The following CDKAL1 variants were observed in gnomAD, a reference collection of about 807,000 sequenced individuals.
The protein encoded by CDKAL1 is threonylcarbamoyladenosine tRNA methylthiotransferase.
Under a neutral mutation model 68.2 loss-of-function variants are expected in CDKAL1, and 32 were observed. The ratio of observed to expected loss-of-function variants is 0.47; its 90% CI spans 0.35 to 0.63. CDKAL1 has a LOEUF of 0.63. Ranked by LOEUF, CDKAL1 falls within the 30% of genes least tolerant of loss-of-function variation. The pLI is 0.00. For missense variants in CDKAL1, 606 were observed against 696.7 expected, an observed-to-expected ratio of 0.87 and a Z score of 1.47; for synonymous variants, 234 against 244.3, an observed-to-expected ratio of 0.96 and a Z score of 0.39.
intron 13 of CDKAL1, among the ~76,000 whole-genome samples, chr6:21,191,739 T>A (rs1778246418): frequency 6.8e-6 from 1 of 147,194 alleles, no homozygotes; most frequent in South Asian, 2.1e-4. Context: ...TGCTTTTATT[T>A]TCTGCCTTTG....
chr6:20,774,522 T>C (rs183065734), intron 7 of CDKAL1, among the ~76,000 whole-genome samples: 3 of 152,178 alleles, frequency 2.0e-5, no homozygotes, highest in African/African-American at 7.2e-5. Context: ...TGGGATGTTT[T>C]CCCTCGGTTC....
At position 21,098,534 on chromosome 6, in the gene CDKAL1, CTTTT is replaced by C. The variant is rs34764667; in HGVS notation, c.1237-9846_1237-9843del. Among the ~76,000 whole-genome samples the C allele has an allele frequency of 4.3e-3, 351 of 80,944 alleles. 1 individual carries two copies. Among genetic ancestry groups the C allele is most frequent in the African/African-American group, 7.1e-3 (155 of 21,704 alleles). The allele number at this position is 80,944 out of a possible 152,430, so 53.1% of individuals were successfully genotyped here. ...GTTATGAGGTTAAACGGGTACACAG[CTTTT>C]TTTTTTTTTTTTTTTTTTTTGGCCG... On this transcript the variant is annotated intron_variant, in intron 12 of 15. Coordinates refer to ENST00000274695, the MANE Select transcript of CDKAL1 (RefSeq NM_017774.3).
intron 4 of CDKAL1, among the ~76,000 whole-genome samples, chr6:20,603,768 ATTTTTTTT>A (rs745786047): frequency 0.034 from 2,890 of 85,242 alleles, 130 homozygotes; most frequent in African/African-American, 0.12. Context: ...CAGTTGCTAA[ATTTTTTTT>A]TTTTTTTTTT....
chr6:21,054,738 T>C (rs957782097), intron 11 of CDKAL1, among the ~76,000 whole-genome samples: 7 of 152,248 alleles, frequency 4.6e-5, no homozygotes, highest in African/African-American at 1.7e-4. Flanking sequence ...GTGAATGGAA[T>C]TGGATTCTTG....
intron 13 of CDKAL1, among the ~76,000 whole-genome samples, chr6:21,192,581 T>C (rs1367926092): frequency 6.7e-6 from 1 of 149,850 alleles, no homozygotes; most frequent in Non-Finnish European, 1.5e-5. Context: ...AATCAGTTAC[T>C]TTCCTGACAG....
chr6:20,767,592 C>T (rs1462932673), intron 7 of CDKAL1, among the ~76,000 whole-genome samples: 1 of 151,954 alleles, frequency 6.6e-6, no homozygotes, highest in African/African-American at 2.4e-5. Context: ...ATCTGACTTT[C>T]TCTTTTTCTT....
At chr6:20,675,683 G>A (rs1486185880) in intron 5 of CDKAL1, among the ~76,000 whole-genome samples, 3 of 152,048 alleles carry the variant, frequency 2.0e-5, no homozygotes, top group African/African-American at 7.3e-5. Context: ...ACGTACAATC[G>A]TGTACATACA....
In CDKAL1 at chr6:21,197,843, T is replaced by A. The variant is rs534372090; in HGVS notation, c.1300-178T>A. 1.4e-4 allele frequency among the ~76,000 whole-genome samples: 22 copies of A among 152,364 alleles called. No individual in the cohort carries two copies. In the East Asian group the frequency reaches 2.7e-3, roughly 19 times the overall value. The stretch of plus-strand genomic sequence containing the variant: ...CAGATAATTAATGTCTTTCAAAAAA[T>A]TTGAATCCGTGATTTGAACAGGGTT... On this transcript the variant is annotated intron_variant, in intron 13 of 15. Coordinates refer to ENST00000274695, the MANE Select transcript of CDKAL1 (RefSeq NM_017774.3).
rs199849184 is a variant in CDKAL1 at position 20,797,581 on chromosome 6, ACTC to A, written c.638+16319_638+16321del. Among the ~76,000 whole-genome samples, 640 of 152,140 alleles carry A rather than the reference ACTC, an allele frequency of 4.2e-3. 5 individuals carry two copies. Among genetic ancestry groups the A allele is most frequent in the African/African-American group, 0.013 (543 of 41,522 alleles). On this transcript the variant is annotated intron_variant, in intron 8 of 15. Transcript: ENST00000274695. ...TCCTAATTAGCCCAAACTGAAAACA[ACTC>A]CTGTATCCTTTAGGGAATGAATGGA... is the stretch of plus-strand genomic sequence containing the variant.
chr6:20,700,778 A>G (rs1179495987), intron 5 of CDKAL1, among the ~76,000 whole-genome samples: 1 of 152,220 alleles, frequency 6.6e-6, no homozygotes, highest in African/African-American at 2.4e-5. Context: ...CTTCAGGACC[A>G]GATGGAACTA....
intron 5 of CDKAL1, among the ~76,000 whole-genome samples, chr6:20,712,958 C>T (rs1232532815): frequency 6.7e-6 from 1 of 148,932 alleles, no homozygotes; most frequent in Non-Finnish European, 1.5e-5. Flanking sequence ...TTTAAAAATG[C>T]TGTATATTAC....
rs1762144300 is a variant in CDKAL1, at chr6:20,904,441, C to G, written c.743-50978C>G. On this transcript the variant is annotated intron_variant, in intron 9 of 15. Coordinates refer to ENST00000274695, the MANE Select transcript of CDKAL1 (RefSeq NM_017774.3). Reference sequence around the variant, plus strand: ...TCTATTTCCATTTTGGGAGCCAGATCCTGGAAACTAGGGCATTCCAAAGCA... The same window carrying G: ...TCTATTTCCATTTTGGGAGCCAGATGCTGGAAACTAGGGCATTCCAAAGCA... Among the ~76,000 whole-genome samples the G allele has an allele frequency of 2.0e-5, 3 of 151,980 alleles. No individual in the cohort carries two copies. The South Asian group carries it at 6.2e-4, about 32-fold the overall frequency.
chr6:20,890,503 A>C (rs1488436596), intron 9 of CDKAL1, among the ~76,000 whole-genome samples: 1 of 152,260 alleles, frequency 6.6e-6, no homozygotes, highest in Non-Finnish European at 1.5e-5. Flanking sequence ...AACGTTTATA[A>C]AATCACATTT....
At chr6:20,830,152 G>A (rs1055699622) in intron 8 of CDKAL1, among the ~76,000 whole-genome samples, 4 of 152,072 alleles carry the variant, frequency 2.6e-5, no homozygotes, top group Admixed American at 2.6e-4. Context: ...CACCATGCCT[G>A]GCCTGTTATT....
rs901844937 is a variant in CDKAL1 at position 20,968,614 on chromosome 6, C to A, written c.909+13029C>A. On this transcript the variant is annotated intron_variant, in intron 10 of 15. Coordinates refer to ENST00000274695, the MANE Select transcript of CDKAL1 (RefSeq NM_017774.3). ...TGTTAATTTTTTCTTTCTATTCCCC[C>A]CATCAAGTCATCTGAATTGACCTGT... is the stretch of plus-strand genomic sequence containing the variant. Among the ~76,000 whole-genome samples, 4 of 152,108 alleles carry A rather than the reference C, an allele frequency of 2.6e-5. No individual in the cohort carries two copies. In the East Asian group the frequency reaches 5.8e-4, roughly 22 times the overall value.
chr6:20,974,420 G>C (rs1321472060), intron 10 of CDKAL1, among the ~76,000 whole-genome samples: 1 of 152,112 alleles, frequency 6.6e-6, no homozygotes, highest in Non-Finnish European at 1.5e-5. Context: ...AGGGATATTA[G>C]GGCAACCAGC....
chr6:21,007,125 C>G (rs188484600), intron 11 of CDKAL1, among the ~76,000 whole-genome samples: 9 of 152,092 alleles, frequency 5.9e-5, no homozygotes, highest in African/African-American at 2.2e-4. Flanking sequence ...AAACAAATGT[C>G]AGGGTTCGGA....
At position 20,986,753 on chromosome 6, in the gene CDKAL1, A is replaced by G. The variant is rs192240403; in HGVS notation, c.910-13474A>G. ...TATAAGTGGTATTATTAGACTTAGA[A>G]AAGCCAGAAGAACTGATATGGCAGG... On this transcript the variant is annotated intron_variant, in intron 10 of 15. Coordinates refer to ENST00000274695, the MANE Select transcript of CDKAL1 (RefSeq NM_017774.3). Among the ~76,000 whole-genome samples, 840 of 152,334 alleles carry G rather than the reference A, an allele frequency of 5.5e-3. 8 individuals are homozygous for G. The highest frequency in any genetic ancestry group is 0.019 in the African/African-American group (803 of 41,584).
chr6:20,551,430 C>T (rs1561919243), intron 4 of CDKAL1, among the ~76,000 whole-genome samples: 2 of 150,258 alleles, frequency 1.3e-5, no homozygotes, highest in Admixed American at 1.3e-4. Flanking sequence ...TGTAGTGGTG[C>T]AATCTCAGCT....
Sources: gnomAD v4.1 joint callset for allele counts (sites outside exome capture counted in the v4.1 genomes callset) on GRCh38, gnomAD v4.1.1 for gene constraint, MANE v1.5 for transcripts, NCBI Gene and HGNC (gene_info 2026-07-23, HGNC 2026-07-21) for gene names.